The following TMEM108 variants were observed in gnomAD, a reference collection of about 807,000 sequenced individuals.
TMEM108 encodes cancer/testis antigen 124.
TMEM108 carries 12 observed loss-of-function variants against 35.1 expected under a neutral mutation model. The observed-to-expected ratio is 0.34, with a 90% CI of 0.22 to 0.55. The LOEUF is 0.55. Ranked by LOEUF, TMEM108 falls within the 20% of genes least tolerant of loss-of-function variation. The probability of loss-of-function intolerance (pLI) is 0.89; values close to 1 mark genes in which losing one functional copy is unlikely to be tolerated. For synonymous variants in TMEM108, 287 were observed against 308.6 expected, an observed-to-expected ratio of 0.93 and a Z score of 0.73; for missense variants, 680 against 753.3, an observed-to-expected ratio of 0.90 and a Z score of 1.14.
chr3:133,068,589 A>G (rs1943639079), intron 2 of TMEM108, among the ~76,000 whole-genome samples: 1 of 152,198 alleles, frequency 6.6e-6, no homozygotes, highest in Non-Finnish European at 1.5e-5. Context: ...TGGATAGGAA[A>G]GGGAGAATGA....
rs865937852 is a variant in TMEM108 at position 133,166,040 on chromosome 3, C to A, written c.-46-63226C>A. 1.2e-4 allele frequency among the ~76,000 whole-genome samples: 19 copies of A among 152,276 alleles called. No individual in the cohort carries two copies. In the Middle Eastern group the frequency reaches 0.017, roughly 136 times the overall value. ...CTGAAATCAGTCTTGTCCAATAAAG[C>A]TGTATTTATGGCTGATAGAACAGGG... On this transcript the variant is annotated intron_variant, in intron 2 of 5. Coordinates refer to ENST00000321871, the MANE Select transcript of TMEM108 (RefSeq NM_023943.4).
rs190265310 is a variant in TMEM108, at chr3:133,313,669, C to G, written c.41-66083C>G. 2.9e-3 allele frequency among the ~76,000 whole-genome samples: 443 copies of G among 152,220 alleles called. 3 individuals carry two copies. The highest frequency in any genetic ancestry group is 0.01 in the African/African-American group (431 of 41,534). On this transcript the variant is annotated intron_variant, in intron 3 of 5. Transcript: ENST00000321871. ...TGGACACATGCAATGTCCATCTGCC[C>G]TTCATTGATGTTAATTTTCATCACC... is the stretch of plus-strand genomic sequence containing the variant.
At chr3:133,197,671 T>G (rs1446148821) in intron 2 of TMEM108, among the ~76,000 whole-genome samples, 1 of 149,382 alleles carries the variant, frequency 6.7e-6, no homozygotes, top group Non-Finnish European at 1.5e-5. Flanking sequence ...ATGTGGAGCC[T>G]GCACCCGAGG....
chr3:133,307,580 A>G (rs763049772), intron 3 of TMEM108, among the ~76,000 whole-genome samples: 3 of 152,116 alleles, frequency 2.0e-5, no homozygotes, highest in Non-Finnish European at 4.4e-5. Context: ...AGTTTCAGCT[A>G]TCTACATATG....
chr3:133,395,006 C>CT (rs1389757964), intron 5 of TMEM108, among the ~76,000 whole-genome samples: 1 of 152,290 alleles, frequency 6.6e-6, no homozygotes, highest in Non-Finnish European at 1.5e-5. Context: ...CTATGACTTT[C>CT]TTTTTTTCTC....
Position 133,225,977 on chromosome 3 carries a change from C to T in TMEM108, c.-46-3289C>T, listed in dbSNP as rs926548028. 4.6e-5 allele frequency among the ~76,000 whole-genome samples: 7 copies of T among 152,310 alleles called. No homozygotes were observed. The Middle Eastern group carries it at 0.01, about 222-fold the overall frequency. On this transcript the variant is annotated intron_variant, in intron 2 of 5. Transcript: ENST00000321871. ...TGTGCCCAAGATGGTTGGGTTACAA[C>T]CTCGTTTTATAAGTTTTATAAGACA...
At chr3:133,377,001 C>G (rs1038624754) in intron 3 of TMEM108, among the ~76,000 whole-genome samples, 1 of 152,120 alleles carries the variant, frequency 6.6e-6, no homozygotes, top group Non-Finnish European at 1.5e-5. Context: ...TTGCAGATGG[C>G]GTCCTCTAGC....
intron 2 of TMEM108, among the ~76,000 whole-genome samples, chr3:133,083,375 A>G (rs1943840371): frequency 6.6e-6 from 1 of 152,154 alleles, no homozygotes; most frequent in African/African-American, 2.4e-5. Flanking sequence ...CAGATGAGAG[A>G]GTTGCCCATA....
At chr3:133,078,312 C>T (rs1483130976) in intron 2 of TMEM108, among the ~76,000 whole-genome samples, 1 of 152,102 alleles carries the variant, frequency 6.6e-6, no homozygotes, top group Non-Finnish European at 1.5e-5. Context: ...TTTATATCAC[C>T]TCAGGGATGG....
intron 3 of TMEM108, among the ~76,000 whole-genome samples, chr3:133,337,120 G>A (rs2071523534): frequency 6.6e-6 from 1 of 152,168 alleles, no homozygotes; most frequent in Non-Finnish European, 1.5e-5. Flanking sequence ...CCTGGGGCCT[G>A]GAGAAACTTG....
At chr3:133,280,812 A>G (rs549318821) in intron 3 of TMEM108, among the ~76,000 whole-genome samples, 1 of 152,336 alleles carries the variant, frequency 6.6e-6, no homozygotes, top group East Asian at 1.9e-4. Flanking sequence ...CTGGTCTCAG[A>G]TGACCTCATT....
intron 2 of TMEM108, among the ~76,000 whole-genome samples, chr3:133,143,971 A>ATTTTG (rs1177740850): frequency 8.5e-6 from 1 of 118,160 alleles, no homozygotes; most frequent in South Asian, 2.6e-4. Context: ...ATTTTATTTT[A>ATTTTG]TTTTATTTTA....
intron 3 of TMEM108, chr3:133,378,322 C>T: frequency 3.0e-6 from 3 of 985,056 alleles, no homozygotes; most frequent in Non-Finnish European, 3.6e-6. Flanking sequence ...GATCTCCTCC[C>T]CATCTCTGCT....
intron 4 of TMEM108, among the ~76,000 whole-genome samples, chr3:133,384,818 T>C (rs918160163): frequency 6.6e-6 from 1 of 152,160 alleles, no homozygotes; most frequent in Non-Finnish European, 1.5e-5. Flanking sequence ...TTTTTGAAAA[T>C]GCCTTCACCC....
chr3:133,207,306 GCTGA>G (rs1945771532), intron 2 of TMEM108, among the ~76,000 whole-genome samples: 1 of 143,700 alleles, frequency 7.0e-6, no homozygotes, highest in Non-Finnish European at 1.5e-5. Flanking sequence ...CCTTCCATGG[GCTGA>G]ACCCACTTTC....
intron 2 of TMEM108, among the ~76,000 whole-genome samples, chr3:133,155,047 C>G (rs1490983423): frequency 6.6e-6 from 1 of 151,980 alleles, no homozygotes; most frequent in Admixed American, 6.6e-5. Flanking sequence ...TCTGTTGTTC[C>G]CCTCTTTGTG....
rs143921093 is a variant in TMEM108 at position 133,163,958 on chromosome 3, C to T, written c.-46-65308C>T. Among the ~76,000 whole-genome samples the T allele has an allele frequency of 3.5e-3, 539 of 152,258 alleles. 6 individuals carry two copies. Among genetic ancestry groups the T allele is most frequent in the Non-Finnish European group, 2.5e-3 (171 of 68,002 alleles). On this transcript the variant is annotated intron_variant, in intron 2 of 5. Transcript: ENST00000321871. ...GTCTCAGTCTCAAGTTCCTGATTTT[C>T]GGTTTTCACAATATTCCGAGCTAGG... is the stretch of plus-strand genomic sequence containing the variant.
intron 2 of TMEM108, among the ~76,000 whole-genome samples, chr3:133,197,798 A>G (rs1312719940): frequency 1.3e-5 from 2 of 152,232 alleles, no homozygotes; most frequent in Non-Finnish European, 2.9e-5. Flanking sequence ...CTGCTACAGC[A>G]AATTTCAGAA....
intron 3 of TMEM108, among the ~76,000 whole-genome samples, chr3:133,237,958 A>G (rs1172197013): frequency 6.6e-6 from 1 of 152,162 alleles, no homozygotes; most frequent in Non-Finnish European, 1.5e-5. Context: ...AAATTTTAAG[A>G]GTATGAAGGG....
Sources: gnomAD v4.1 joint callset for allele counts (sites outside exome capture counted in the v4.1 genomes callset) on GRCh38, gnomAD v4.1.1 for gene constraint, MANE v1.5 for transcripts, NCBI Gene and HGNC (gene_info 2026-07-23, HGNC 2026-07-21) for gene names.